TPCN1: variants seen among roughly 807,000 people sequenced by gnomAD.
The protein encoded by TPCN1 is two pore segment channel 1, also known as two pore channel protein 1.
In TPCN1, 52 loss-of-function variants were observed where a neutral mutation model predicts 108.8. The ratio of observed to expected loss-of-function variants is 0.48; its 90% CI spans 0.38 to 0.60. TPCN1 has a LOEUF of 0.60. Among genes scored for constraint, TPCN1 ranks in the 20% least tolerant of loss-of-function variants. TPCN1 has a pLI of 0.00. For synonymous variants in TPCN1, 446 were observed against 433.7 expected (o/e 1.03, Z -0.35); for missense variants, 806 against 1,072.8 (o/e 0.75, Z 3.47).
chr12:113,276,565 C>T (rs191582866), intron 10 of TPCN1, among the ~76,000 whole-genome samples: 1 of 152,170 alleles, frequency 6.6e-6, no homozygotes, highest in Non-Finnish European at 1.5e-5. Flanking sequence ...TCCAGATGCG[C>T]CCCTCTTGCT....
At chr12:113,228,436 A>T (rs573215634) in intron 2 of TPCN1, among the ~76,000 whole-genome samples, 1 of 152,310 alleles carries the variant, frequency 6.6e-6, no homozygotes, top group South Asian at 2.1e-4. Flanking sequence ...CAACATAGCG[A>T]GACCTCGGCT....
intron 15 of TPCN1, among the ~76,000 whole-genome samples, chr12:113,281,746 C>G (rs1228006106): frequency 6.6e-6 from 1 of 151,814 alleles, no homozygotes; most frequent in African/African-American, 2.4e-5. Context: ...CTCATGTTGC[C>G]CAGGCTGGTC....
At chr12:113,290,857 G>A (rs749638746) in intron 22 of TPCN1, 95 bp from the exon 23 acceptor site, 33 of 1,208,850 alleles carry the variant, frequency 2.7e-5, no homozygotes, top group Non-Finnish European at 3.7e-5. Context: ...TCTCATCTTA[G>A]CACATGGCAC....
chr12:113,263,872 A>G (rs1224542142), intron 3 of TPCN1, among the ~76,000 whole-genome samples: 2 of 152,184 alleles, frequency 1.3e-5, no homozygotes, highest in African/African-American at 2.4e-5. Context: ...GCCAGGAAAC[A>G]GGGCCGATAT....
intron 13 of TPCN1, 50 bp downstream of exon 13, chr12:113,278,287 G>T: frequency 1.9e-6 from 3 of 1,552,026 alleles, no homozygotes; most frequent in Non-Finnish European, 2.7e-6. Flanking sequence ...AGGTCCCCAC[G>T]TGGGGCAGTG....
chr12:113,273,124 T>C lies in TPCN1; in HGVS notation c.784-108T>C, dbSNP rs1415152514. On this transcript the variant is annotated intron_variant, in intron 8 of 27. Transcript: ENST00000335509. This position sits in a 1 kb window ranked among gnomAD's most constrained non-coding sequence, Gnocchi z 4.0. ...CCTCCCTCAGGGATTCCTTGAGAGA[T>C]GCAAGAGCGGTCAAGGCAGGGCATG... 4 of 954,564 alleles carry C rather than the reference T, an allele frequency of 4.2e-6. No individual in the cohort carries two copies. The highest frequency in any genetic ancestry group is 1.7e-6 in the Non-Finnish European group (1 of 583,192). The allele number at this position is 954,564 out of a possible 1,614,324, so 59.1% of individuals were successfully genotyped here. A position where few individuals can be genotyped will look rare whatever the true frequency, so the allele number is the denominator to read the frequency against.
chr12:113,231,096 G>A lies in TPCN1; in HGVS notation c.112+4132G>A, dbSNP rs1323994209. ...GACATGAGCATGGGCTACTGGGAACGAAGCAAGCTTTCTAAGGCTGAGTCA... is the reference window on the plus strand; with the variant it reads ...GACATGAGCATGGGCTACTGGGAACAAAGCAAGCTTTCTAAGGCTGAGTCA... On this transcript the variant is annotated intron_variant, in intron 2 of 27. Transcript: ENST00000335509. The surrounding 1 kb of genome is among the most constrained non-coding windows in gnomAD (Gnocchi z 4.3). Among the ~76,000 whole-genome samples, 1 of 152,244 alleles carries A rather than the reference G, an allele frequency of 6.6e-6. No homozygotes were observed. The highest frequency in any genetic ancestry group is 1.9e-4 in the East Asian group (1 of 5,198).
In TPCN1 at chr12:113,273,489, G is replaced by A; in HGVS notation, c.843-80G>A. The A allele has an allele frequency of 7.6e-7, 1 of 1,321,618 alleles. No homozygotes were observed. The highest frequency in any genetic ancestry group is 1.1e-6 in the Non-Finnish European group (1 of 914,048). 81.9% of individuals were successfully genotyped at this position (1,321,618 alleles called of 1,614,324 possible). ...TGGAGGCTGGGAAGGCAGACAAGGA[G>A]CTGTCCTCTGCAAGGCATGTGCTCT... On this transcript the variant is annotated intron_variant, in intron 9 of 27. Transcript: ENST00000335509. This position sits in a 1 kb window ranked among gnomAD's most constrained non-coding sequence, Gnocchi z 4.0.
Position 113,284,855 on chromosome 12 carries a change from C to A in TPCN1, c.1453+84C>A. On this transcript the variant is annotated intron_variant, in intron 17 of 27. Coordinates refer to ENST00000335509, the MANE Select transcript of TPCN1 (RefSeq NM_017901.6). This position sits in a 1 kb window ranked among gnomAD's most constrained non-coding sequence, Gnocchi z 4.1. ...TCATTCAGTGTAGAACCTCATGGTT[C>A]TTCTCTAAAACAGGAAGCTATAAAG... is the stretch of plus-strand genomic sequence containing the variant. 1 of 1,442,746 alleles carries A rather than the reference C, an allele frequency of 6.9e-7. No individual in the cohort carries two copies. The highest frequency in any genetic ancestry group is 9.7e-7 in the Non-Finnish European group (1 of 1,026,032). The allele number at this position is 1,442,746 out of a possible 1,614,324, so 89.4% of individuals were successfully genotyped here. A position where few individuals can be genotyped will look rare whatever the true frequency, so the allele number is the denominator to read the frequency against.
rs1180061143 is a variant in TPCN1, at chr12:113,273,616, G to A, written c.890G>A (p.Cys297Tyr). Residue 297 changes from cysteine to tyrosine, a missense_variant, in exon 10 of 28, where the codon TGC (cysteine) becomes TAC (tyrosine). Physicochemically the swap from Cys to Tyr is radical, Grantham distance 194. Coordinates refer to ENST00000335509, the MANE Select transcript of TPCN1 (RefSeq NM_017901.6). This position sits in a 1 kb window ranked among gnomAD's most constrained non-coding sequence, Gnocchi z 4.0. ...TCCTACTCCCGGAACCCCTGGTCCT[G>A]CGTCTTCTTCATCGTGTACCTCTCC... is the stretch of plus-strand genomic sequence containing the variant. ...MPSYSRNPWS[C>Y]VFFIVYLSIE... The A allele has an allele frequency of 6.2e-7, 1 of 1,614,094 alleles. No individual in the cohort carries two copies. Among genetic ancestry groups the A allele is most frequent in the Non-Finnish European group, 8.5e-7 (1 of 1,180,044 alleles).
At position 113,288,374 on chromosome 12, in the gene TPCN1, C is replaced by T. The variant is rs772096634; in HGVS notation, c.1706+140C>T. ...AGGGCCTGACGGGGCTCCAAGGAGC[C>T]TGGAATCTTGACCACCACAGGTCTC... On this transcript the variant is annotated intron_variant, in intron 20 of 27. Transcript: ENST00000335509. This position sits in a 1 kb window ranked among gnomAD's most constrained non-coding sequence, Gnocchi z 4.8. 6.6e-7 allele frequency: 1 copy of T among 1,507,094 alleles called. No individual in the cohort carries two copies. Among genetic ancestry groups the T allele is most frequent in the Non-Finnish European group, 8.9e-7 (1 of 1,129,658 alleles). The allele number at this position is 1,507,094 out of a possible 1,614,324, so 93.4% of individuals were successfully genotyped here.
chr12:113,287,485 C>T (rs564321896), intron 19 of TPCN1: 18 of 181,296 alleles, frequency 9.9e-5, no homozygotes, highest in Non-Finnish European at 1.8e-4. Flanking sequence ...GAAAAACCCT[C>T]GTGTGGGTCC....
chr12:113,277,311 G>C lies in TPCN1; in HGVS notation c.1131G>C (p.Arg377Ser), dbSNP rs765499042. 5.6e-6 allele frequency: 9 copies of C among 1,614,152 alleles called. No individual in the cohort carries two copies. The highest frequency in any genetic ancestry group is 6.8e-6 in the Non-Finnish European group (8 of 1,180,026). Reference sequence around the variant, plus strand: ...TCTACAAGCCCCGGATGAGTGCCAGGGAGCGCTATCTTACCTTCAAGGCCC... The same window carrying C: ...TCTACAAGCCCCGGATGAGTGCCAGCGAGCGCTATCTTACCTTCAAGGCCC... ...MRFYKPRMSA[R>S]ERYLTFKALN... is the part of the protein sequence containing the mutation. The change falls in exon 12 of 28, where the codon AGG (arginine) becomes AGC (serine). Residue 377 changes from arginine to serine, a missense_variant. Arg to Ser is a moderately radical substitution (Grantham distance 110). Coordinates refer to ENST00000335509, the MANE Select transcript of TPCN1 (RefSeq NM_017901.6).
Position 113,266,658 on chromosome 12 carries a change from T to C in TPCN1, c.414+302T>C, listed in dbSNP as rs539453179. On this transcript the variant is annotated intron_variant, in intron 4 of 27. Coordinates refer to ENST00000335509, the MANE Select transcript of TPCN1 (RefSeq NM_017901.6). The surrounding 1 kb of genome is among the most constrained non-coding windows in gnomAD (Gnocchi z 4.2). ...GGCTCCGGGTGGGGAGGGCACCCAG[T>C]GGACAGTCCCACTACTCTGTCTCCA... Among the ~76,000 whole-genome samples, 5 of 152,226 alleles carry C rather than the reference T, an allele frequency of 3.3e-5. No individual in the cohort carries two copies. The East Asian group carries it at 9.7e-4, about 29-fold the overall frequency.
chr12:113,238,185 T>C (rs547358638), intron 2 of TPCN1, among the ~76,000 whole-genome samples: 244 of 152,348 alleles, frequency 1.6e-3, no homozygotes, highest in Non-Finnish European at 3.0e-3. Flanking sequence ...TATTGAGGAA[T>C]TGGCATCTTG....
Position 113,284,526 on chromosome 12 carries a change from A to G in TPCN1, c.1343-55A>G. On this transcript the variant is annotated intron_variant, in intron 15 of 27. Transcript: ENST00000335509. The surrounding 1 kb of genome is among the most constrained non-coding windows in gnomAD (Gnocchi z 4.1). ...ACCAGGGACTTCAGCTGCGACCTGCAGATTTCTAAGCCCCCCTGTTATTTC... is the reference window on the plus strand; with the variant it reads ...ACCAGGGACTTCAGCTGCGACCTGCGGATTTCTAAGCCCCCCTGTTATTTC... 2 of 1,603,228 alleles carry G rather than the reference A, an allele frequency of 1.2e-6. No homozygotes were observed. Among genetic ancestry groups the G allele is most frequent in the East Asian group, 4.5e-5 (2 of 44,842 alleles).
At chr12:113,257,325 C>T (rs1387083790) in intron 2 of TPCN1, among the ~76,000 whole-genome samples, 3 of 152,062 alleles carry the variant, frequency 2.0e-5, no homozygotes. Flanking sequence ...AACGTCTCTA[C>T]TAAAAATATT....
At chr12:113,221,889 G>T (rs1953247909) in intron 1 of TPCN1, among the ~76,000 whole-genome samples, 1 of 152,178 alleles carries the variant, frequency 6.6e-6, no homozygotes, top group Admixed American at 6.5e-5. Context: ...ACGTGGAGCT[G>T]GAGCCAGCTG....
rs774605337 is a variant in TPCN1 at position 113,260,399 on chromosome 12, G to C, written c.144G>C (p.Gln48His). ...NGGSYAIHDS[Q>H]APSLSSGGES... ...GCAGCTATGCCATCCACGACTCCCA[G>C]GCCCCCAGTCTCAGCTCTGGGGGTG... Residue 48 changes from glutamine to histidine, a missense_variant, in exon 3 of 28, where the codon CAG (glutamine) becomes CAC (histidine). By Grantham distance (24) the Gln-to-His change is conservative. Coordinates refer to ENST00000335509, the MANE Select transcript of TPCN1 (RefSeq NM_017901.6). 6.6e-7 allele frequency: 1 copy of C among 1,513,380 alleles called. No individual in the cohort carries two copies. The highest frequency in any genetic ancestry group is 1.3e-5 in the South Asian group (1 of 77,318). 93.7% of individuals were successfully genotyped at this position (1,513,380 alleles called of 1,614,324 possible).
Sources: allele counts gnomAD v4.1 joint callset (sites outside exome capture counted in the v4.1 genomes callset), GRCh38; gene constraint gnomAD v4.1.1; non-coding constraint Gnocchi (gnomAD v3.1); transcripts MANE v1.5; gene names NCBI Gene and HGNC (gene_info 2026-07-23, HGNC 2026-07-21).